The following WDPCP variants were observed in gnomAD, a reference collection of about 807,000 sequenced individuals.
WDPCP encodes WD repeat containing planar cell polarity effector.
In WDPCP, 71 loss-of-function variants were observed where a neutral mutation model predicts 93.1. The ratio of observed to expected loss-of-function variants is 0.76; its 90% confidence interval spans 0.63 to 0.93. WDPCP has a LOEUF of 0.93. WDPCP is among the 40% of genes least tolerant of loss of function. WDPCP has a pLI of 0.00. For synonymous variants in WDPCP, 315 were observed against 315.0 expected, an observed-to-expected ratio of 1.00 and a Z score of 0.00; for missense variants, 844 against 887.4, an observed-to-expected ratio of 0.95 and a Z score of 0.62.
chr2:63,196,355 T>C (rs1395093887), intron 14 of WDPCP, among the ~76,000 whole-genome samples: 1 of 152,242 alleles, frequency 6.6e-6, no homozygotes, highest in Non-Finnish European at 1.5e-5. Context: ...AGGAAATTCA[T>C]GAAGCTGTCA....
chr2:63,836,215 C>A, the WDPCP span, among the ~76,000 whole-genome samples: 3 of 152,128 alleles, frequency 2.0e-5, no homozygotes, highest in Non-Finnish European at 4.4e-5. Context: ...AAATACATTC[C>A]CTGAGACTAA....
Position 63,661,713 on chromosome 2 carries a change from G to A in WDPCP, n.309-10875C>T, listed in dbSNP as rs193070777. On this transcript the variant is annotated intron_variant and non_coding_transcript_variant, in intron 2 of 4. Transcript: ENST00000467687. ...GACATTGTGTTTTGAAGTTATCTAC[G>A]AAACAAACAAAATAGTAGCTGACAT... Among the ~76,000 whole-genome samples, 302 of 152,236 alleles carry A rather than the reference G, an allele frequency of 2.0e-3. 2 individuals are homozygous for A. The highest frequency in any genetic ancestry group is 6.9e-3 in the African/African-American group (286 of 41,534).
intron 3 of WDPCP, among the ~76,000 whole-genome samples, chr2:63,595,893 C>T (rs895098869): frequency 1.3e-5 from 2 of 152,158 alleles, no homozygotes; most frequent in African/African-American, 4.8e-5. Flanking sequence ...GTAATAGTAG[C>T]ATCCTGTAAT....
At chr2:63,588,795 G>A (rs1487225624), upstream of WDPCP, 4 of 555,674 alleles carry the variant, frequency 7.2e-6, no homozygotes, top group African/African-American at 5.7e-5. Context: ...GGCGCAGAGC[G>A]CAGTGAGAAG....
intron 13 of WDPCP, 104 bp downstream of exon 13, chr2:63,313,144 T>C (rs2103951478): frequency 1.9e-6 from 2 of 1,054,434 alleles, no homozygotes; most frequent in East Asian, 2.6e-5. Flanking sequence ...TTTCCCACCC[T>C]GTGTCTAAGG....
chr2:63,814,650 T>C (rs1049363375), intron 1 of WDPCP, among the ~76,000 whole-genome samples: 4 of 152,218 alleles, frequency 2.6e-5, no homozygotes, highest in Admixed American at 2.6e-4. Context: ...GCTAATAATA[T>C]TATCTGGTTA....
chr2:63,585,122 T>C (rs1421885151), intron 1 of WDPCP, among the ~76,000 whole-genome samples: 2 of 152,200 alleles, frequency 1.3e-5, no homozygotes, highest in Non-Finnish European at 2.9e-5. Flanking sequence ...ATTGTGTATG[T>C]ATAAAATTGT....
intron 12 of WDPCP, among the ~76,000 whole-genome samples, chr2:63,353,302 G>A (rs964004787): frequency 6.6e-6 from 1 of 152,160 alleles, no homozygotes. Flanking sequence ...AGTAGCTGCG[G>A]CTCCAGCAAA....
rs1698123557 is a variant in WDPCP, at chr2:63,449,989, G to T, written c.385-10118C>A. Among the ~76,000 whole-genome samples the T allele has an allele frequency of 2.0e-5, 3 of 152,144 alleles. No individual in the cohort carries two copies. The South Asian group carries it at 6.2e-4, about 32-fold the overall frequency. ...GCCTACAGAGAGTACTAATCCTCGGGGAAAGAAGAGTGCAGTGCACCAAAA... is the reference window on the plus strand; with the variant it reads ...GCCTACAGAGAGTACTAATCCTCGGTGAAAGAAGAGTGCAGTGCACCAAAA... On this transcript the variant is annotated intron_variant, in intron 6 of 17. Transcript: ENST00000272321.
chr2:63,492,720 T>C, intron 2 of WDPCP, 136 bp downstream of exon 2: 1 of 756,058 alleles, frequency 1.3e-6, no homozygotes, highest in South Asian at 1.8e-5. Context: ...TTATTTTCCA[T>C]TAACCAATTT....
intron 12 of WDPCP, chr2:63,369,267 T>C (rs138684112): frequency 5.4e-6 from 2 of 373,012 alleles, no homozygotes; most frequent in Non-Finnish European, 1.1e-5. Flanking sequence ...ACAGTGAATA[T>C]AGGCACTGTA....
intron 14 of WDPCP, among the ~76,000 whole-genome samples, chr2:63,249,250 C>G (rs1680525654): frequency 6.6e-6 from 1 of 152,092 alleles, no homozygotes; most frequent in South Asian, 2.1e-4. Context: ...CTTGTCAGGT[C>G]TTTTCTGAAA....
chr2:63,335,092 G>GATGC (rs1401834080), intron 12 of WDPCP, among the ~76,000 whole-genome samples: 1 of 152,186 alleles, frequency 6.6e-6, no homozygotes, highest in Non-Finnish European at 1.5e-5. Flanking sequence ...TAATGAGCTA[G>GATGC]ATGCGTAAGT....
At chr2:63,577,224 G>C (rs1320183881) in intron 1 of WDPCP, among the ~76,000 whole-genome samples, 2 of 152,150 alleles carry the variant, frequency 1.3e-5, no homozygotes, top group African/African-American at 4.8e-5. Context: ...ATATTAGTAA[G>C]TCTATATCCC....
At chr2:63,384,892 A>C (rs1361148355) in intron 10 of WDPCP, among the ~76,000 whole-genome samples, 1 of 152,006 alleles carries the variant, frequency 6.6e-6, no homozygotes, top group Non-Finnish European at 1.5e-5. Flanking sequence ...AAAACTACAG[A>C]CCAATATTTC....
At chr2:63,138,520 C>T (rs373059381) in intron 17 of WDPCP, among the ~76,000 whole-genome samples, 9 of 148,130 alleles carry the variant, frequency 6.1e-5, no homozygotes, top group South Asian at 4.2e-4. Context: ...GGTGCAATCT[C>T]GGCTCACTGC....
upstream of WDPCP, chr2:63,589,392 A>G (rs201758772): frequency 2.5e-3 from 3,827 of 1,550,354 alleles, 1 homozygote; most frequent in Non-Finnish European, 3.0e-3. Context: ...AAGGTTTGCG[A>G]TGGGAGGGAA....
chr2:63,750,809 T>A (rs560229772), intron 2 of WDPCP, among the ~76,000 whole-genome samples: 1 of 152,176 alleles, frequency 6.6e-6, no homozygotes, highest in African/African-American at 2.4e-5. Context: ...AAACCAATCT[T>A]ACATTTTTGT....
chr2:63,299,203 G>T lies in WDPCP; in HGVS notation c.1812+14045C>A, dbSNP rs188987543. Among the ~76,000 whole-genome samples the T allele has an allele frequency of 5.7e-3, 865 of 152,326 alleles. 8 individuals are homozygous for T. The highest frequency in any genetic ancestry group is 6.8e-3 in the Middle Eastern group (2 of 294). ...TTGTGAGTCCCTTAAAGACAGCCCA[G>T]CTGTCAGTGCATAGGACTACTGGGT... On this transcript the variant is annotated intron_variant, in intron 13 of 17. Coordinates refer to ENST00000272321, the MANE Select transcript of WDPCP (RefSeq NM_015910.7).
Sources: gnomAD v4.1 joint callset for allele counts (sites outside exome capture counted in the v4.1 genomes callset) on GRCh38, gnomAD v4.1.1 for gene constraint, MANE v1.5 for transcripts, NCBI Gene and HGNC (gene_info 2026-07-23, HGNC 2026-07-21) for gene names.